Variants in NOL4L observed in about 807,000 individuals in gnomAD.
NOL4L encodes the protein nucleolar protein 4-like.
Under a neutral mutation model 64.5 loss-of-function variants are expected in NOL4L, and 7 were observed. The observed-to-expected ratio is 0.11, with a 90% CI of 0.06 to 0.20. The LOEUF is 0.20. NOL4L is among the 10% of genes least tolerant of loss of function. The pLI is 1.00. For synonymous variants in NOL4L, 413 were observed against 401.0 expected (o/e 1.03, Z -0.36); for missense variants, 680 against 967.1 (o/e 0.70, Z 3.94).
At chr20:32,555,272 C>A (rs919277723) in intron 1 of NOL4L, among the ~76,000 whole-genome samples, 3 of 152,118 alleles carry the variant, frequency 2.0e-5, no homozygotes, top group Non-Finnish European at 2.9e-5. Flanking sequence ...GTCCTGACCC[C>A]TGTTAATGTG....
rs571228016 is a variant in NOL4L at position 32,450,786 on chromosome 20, G to C, written c.1822+1450C>G. On this transcript the variant is annotated intron_variant, in intron 10 of 10. Coordinates refer to ENST00000621426, the MANE Select transcript of NOL4L (RefSeq NM_001256798.2). Reference sequence around the variant, plus strand: ...GCCCCAGACCCCCATGTGTAGGGGGGGCAGGGCTTTTCTTCCTGGAATGAA... The same window carrying C: ...GCCCCAGACCCCCATGTGTAGGGGGCGCAGGGCTTTTCTTCCTGGAATGAA... Among the ~76,000 whole-genome samples the C allele has an allele frequency of 8.5e-5, 13 of 152,304 alleles. 1 individual carries two copies. The East Asian group carries it at 2.5e-3, about 29-fold the overall frequency.
rs557836481 is a variant in NOL4L at position 32,463,881 on chromosome 20, C to T, written c.842-7486G>A. ...TAGGCTCGGAGAACGGGAAGGCCCA[C>T]CATCCCTGGGACCACAGGCCAGGTA... On this transcript the variant is annotated intron_variant, in intron 5 of 10. Transcript: ENST00000621426. This position sits in a 1 kb window ranked among gnomAD's most constrained non-coding sequence, Gnocchi z 5.8. 3.5e-4 allele frequency among the ~76,000 whole-genome samples: 53 copies of T among 152,180 alleles called. No homozygotes were observed. The highest frequency in any genetic ancestry group is 6.5e-4 in the Non-Finnish European group (44 of 68,042).
intron 3 of NOL4L, among the ~76,000 whole-genome samples, chr20:32,513,095 AG>A (rs1479476533): frequency 6.6e-6 from 1 of 152,178 alleles, no homozygotes; most frequent in African/African-American, 2.4e-5. Flanking sequence ...TTTAATCAAA[AG>A]GTGCCCCTGG....
At chr20:32,509,253 G>C (rs1272332993) in intron 4 of NOL4L, among the ~76,000 whole-genome samples, 2 of 152,062 alleles carry the variant, frequency 1.3e-5, no homozygotes, top group African/African-American at 4.8e-5. Context: ...ATACAGGGAT[G>C]CCAGCCGGAA....
Position 32,522,914 on chromosome 20 carries a change from G to A in NOL4L, c.478-1992C>T, listed in dbSNP as rs540597120. ...CCTACCATGAGGGCAGCCCTACTAA[G>A]CTACCCAAAGCTTGCCTGCTCACCT... On this transcript the variant is annotated intron_variant, in intron 2 of 10. Coordinates refer to ENST00000621426, the MANE Select transcript of NOL4L (RefSeq NM_001256798.2). Among the ~76,000 whole-genome samples, 3 of 152,312 alleles carry A rather than the reference G, an allele frequency of 2.0e-5. No individual in the cohort carries two copies. In the South Asian group the frequency reaches 6.2e-4, roughly 32 times the overall value.
In NOL4L at chr20:32,488,965, CTTT is replaced by C. The variant is rs1174304651; in HGVS notation, c.700-14226_700-14224del. Reference sequence around the variant, plus strand: ...CCATTTCTCTATTTGAATTGTTGGTCTTTTTTTTTTTTTTTTTTTGGTAAGAAC... The same window carrying C: ...CCATTTCTCTATTTGAATTGTTGGTCTTTTTTTTTTTTTTTTGGTAAGAAC... On this transcript the variant is annotated intron_variant, in intron 4 of 10. Coordinates refer to ENST00000621426, the MANE Select transcript of NOL4L (RefSeq NM_001256798.2). Among the ~76,000 whole-genome samples, 125 of 45,084 alleles carry C rather than the reference CTTT, an allele frequency of 2.8e-3. 2 individuals are homozygous for C. Among genetic ancestry groups the C allele is most frequent in the African/African-American group, 0.015 (111 of 7,578 alleles). 29.6% of individuals were successfully genotyped at this position (45,084 alleles called of 152,430 possible).
chr20:32,576,859 G>A (rs1439173660), intron 1 of NOL4L, among the ~76,000 whole-genome samples: 1 of 152,222 alleles, frequency 6.6e-6, no homozygotes, highest in African/African-American at 2.4e-5. Context: ...CAGCCTTGAG[G>A]TCTAGAAAGC....
intron 5 of NOL4L, among the ~76,000 whole-genome samples, chr20:32,469,861 G>A (rs1382641204): frequency 6.6e-6 from 1 of 152,230 alleles, no homozygotes; most frequent in African/African-American, 2.4e-5. Flanking sequence ...CATCACCCCT[G>A]TGTGTCACAA....
At chr20:32,506,208 G>A (rs1004719710) in intron 4 of NOL4L, among the ~76,000 whole-genome samples, 2 of 151,912 alleles carry the variant, frequency 1.3e-5, no homozygotes, top group African/African-American at 2.4e-5. Context: ...CTCTCTCCTG[G>A]GCCTGGCTTC....
chr20:32,567,876 TCAC>T (rs540385898), intron 1 of NOL4L, among the ~76,000 whole-genome samples: 109 of 151,666 alleles, frequency 7.2e-4, no homozygotes, highest in South Asian at 1.9e-3. Context: ...ACCATTGTCA[TCAC>T]CACCACCACC....
intron 5 of NOL4L, among the ~76,000 whole-genome samples, chr20:32,462,761 T>C (rs2014185810): frequency 6.6e-6 from 1 of 151,734 alleles, no homozygotes; most frequent in African/African-American, 2.4e-5. Flanking sequence ...AAAAATTAGC[T>C]GGGCGTGGTG....
At position 32,452,951 on chromosome 20, in the gene NOL4L, G is replaced by A; in HGVS notation, c.1553C>T (p.Ala518Val). The A allele has an allele frequency of 6.2e-7, 1 of 1,614,092 alleles. No homozygotes were observed. The highest frequency in any genetic ancestry group is 8.5e-7 in the Non-Finnish European group (1 of 1,180,032). ...TSAMAENILA[A>V]ACESETRKAA... ...CTTTCTTGTCTCGCTCTCACAGGCA[G>A]CTGCCAGGATGTTTTCTGCCATGGC... The change falls in exon 9 of 11, where the codon GCT (alanine) becomes GTT (valine). Residue 518 changes from alanine to valine, a missense_variant. Ala to Val is a moderately conservative substitution (Grantham distance 64). This residue lies in a region of NOL4L where 175 missense variants were observed against 227.0 expected (regional missense o/e 0.77). Coordinates refer to ENST00000621426, the MANE Select transcript of NOL4L (RefSeq NM_001256798.2).
In NOL4L at chr20:32,500,049, G is replaced by A. The variant is rs56395244; in HGVS notation, c.699+11298C>T. Among the ~76,000 whole-genome samples the A allele has an allele frequency of 7.2e-5, 11 of 151,994 alleles. No individual in the cohort carries two copies. The South Asian group carries it at 1.2e-3, about 17-fold the overall frequency. On this transcript the variant is annotated intron_variant, in intron 4 of 10. Coordinates refer to ENST00000621426, the MANE Select transcript of NOL4L (RefSeq NM_001256798.2). ...TGATGCTGAGACAAAAGGGTTAAGC[G>A]GAATCTGTATCTCAGAATACGTCAG... is the stretch of plus-strand genomic sequence containing the variant.
At chr20:32,557,594 A>T (rs1978745319) in intron 1 of NOL4L, among the ~76,000 whole-genome samples, 1 of 152,218 alleles carries the variant, frequency 6.6e-6, no homozygotes, top group Non-Finnish European at 1.5e-5. Context: ...AACTCAGACA[A>T]TGACTAGTTC....
At position 32,571,333 on chromosome 20, in the gene NOL4L, G is replaced by A. The variant is rs140110643; in HGVS notation, c.321+13237C>T. Among the ~76,000 whole-genome samples, 590 of 152,256 alleles carry A rather than the reference G, an allele frequency of 3.9e-3. 4 individuals are homozygous for A. The highest frequency in any genetic ancestry group is 0.013 in the African/African-American group (557 of 41,544). On this transcript the variant is annotated intron_variant, in intron 1 of 10. Coordinates refer to ENST00000621426, the MANE Select transcript of NOL4L (RefSeq NM_001256798.2). ...CTCCCAAGTAGCTGGGATTATAGGC[G>A]TGTGCCACAACGCCTGGCTAATTTT...
At chr20:32,462,466 G>A (rs936351087) in intron 5 of NOL4L, among the ~76,000 whole-genome samples, 5 of 152,252 alleles carry the variant, frequency 3.3e-5, no homozygotes, top group African/African-American at 1.2e-4. Flanking sequence ...CCACAGAAGG[G>A]GCTGGCTGCA....
intron 1 of NOL4L, among the ~76,000 whole-genome samples, chr20:32,538,387 G>A (rs921051425): frequency 3.9e-5 from 6 of 152,008 alleles, no homozygotes; most frequent in Non-Finnish European, 7.4e-5. Flanking sequence ...CAGTGGCGGC[G>A]GGTGTCTGGG....
chr20:32,532,267 G>A, intron 1 of NOL4L: 1 of 683,264 alleles, frequency 1.5e-6, no homozygotes, highest in Non-Finnish European at 1.8e-6. Flanking sequence ...GGAAAGGAGA[G>A]GGCCTGGAGC....
Position 32,511,346 on chromosome 20 carries a change from C to A in NOL4L, c.699+1G>T. 1 of 1,547,824 alleles carries A rather than the reference C, an allele frequency of 6.5e-7. No individual in the cohort carries two copies. The highest frequency in any genetic ancestry group is 8.7e-7 in the Non-Finnish European group (1 of 1,144,854). The stretch of plus-strand genomic sequence containing the variant: ...GGGGTGAGGGGAGACGGCCGCCTTA[C>A]CTGCTCCTGGGAATTCATCACTCGA... On this transcript the variant is annotated splice_donor_variant, in intron 4 of 10. Coordinates refer to ENST00000621426, the MANE Select transcript of NOL4L (RefSeq NM_001256798.2). LOFTEE classifies it high-confidence loss of function.
Sources: gnomAD v4.1 joint callset for allele counts (sites outside exome capture counted in the v4.1 genomes callset) on GRCh38, gnomAD v4.1.1 for gene constraint, gnomAD v4.1.1 regional missense constraint, Gnocchi (gnomAD v3.1) non-coding constraint, MANE v1.5 for transcripts, NCBI Gene and HGNC (gene_info 2026-07-23, HGNC 2026-07-21) for gene names.